APBA2: variants seen among roughly 807,000 people sequenced by gnomAD.
The protein encoded by APBA2 is amyloid-beta A4 precursor protein-binding family A member 2.
APBA2 carries 30 observed loss-of-function variants against 75.0 expected under a neutral mutation model. That is an observed-to-expected ratio of 0.40 (90% CI 0.30 to 0.54). The LOEUF (loss-of-function observed/expected upper bound fraction) is 0.54. APBA2 is among the 20% of genes least tolerant of loss of function. APBA2 has a pLI of 0.49. For synonymous variants in APBA2, 444 were observed against 409.6 expected, an observed-to-expected ratio of 1.08 and a Z score of -1.01; for missense variants, 801 against 1,016.1, an observed-to-expected ratio of 0.79 and a Z score of 2.88.
chr15:28,981,151 A>G (rs889911721), intron 2 of APBA2, among the ~76,000 whole-genome samples: 1 of 152,236 alleles, frequency 6.6e-6, no homozygotes, highest in Admixed American at 6.5e-5. Flanking sequence ...AGCAATTGCA[A>G]CAAAAACAAA....
chr15:28,938,297 A>G (rs1267043370), intron 2 of APBA2, among the ~76,000 whole-genome samples: 1 of 152,238 alleles, frequency 6.6e-6, no homozygotes. Flanking sequence ...CTTGGAAGCC[A>G]CATGAGAAAT....
chr15:28,891,650 CTTG>C (rs1314306368), intron 1 of APBA2, among the ~76,000 whole-genome samples: 1 of 152,224 alleles, frequency 6.6e-6, no homozygotes, highest in Non-Finnish European at 1.5e-5. Context: ...ATTCTTAGCA[CTTG>C]TTGTCCCTAG....
chr15:29,054,315 C>T lies in APBA2; in HGVS notation c.431C>T (p.Ser144Leu), dbSNP rs144066720. 1,340 of 1,613,948 alleles carry T rather than the reference C, an allele frequency of 8.3e-4. 14 individuals are homozygous for T. The African/African-American group carries it at 0.015, about 19-fold the overall frequency. ...CQEAVEEWTDSAGPHPHGHEA... is the reference protein window; with the variant it reads ...CQEAVEEWTDLAGPHPHGHEA... ...GAGGCGGTGGAGGAGTGGACGGACT[C>T]GGCGGGCCCGCACCCCCACGGCCAC... Residue 144 changes from serine (S) to leucine (L), a missense_variant, in exon 4 of 15, where the codon TCG becomes TTG. Physicochemically the swap from Ser to Leu is moderately radical, Grantham distance 145 (BLOSUM62 -2). This residue lies in a region of APBA2 where 434 missense variants were observed against 471.6 expected (regional missense o/e 0.92). Coordinates refer to ENST00000683413, the MANE Select transcript of APBA2 (RefSeq NM_001353788.2). This position sits in a 1 kb window ranked among gnomAD's most constrained non-coding sequence, Gnocchi z 6.1.
At chr15:28,914,244 G>A (rs1342913839) in intron 1 of APBA2, among the ~76,000 whole-genome samples, 3 of 152,208 alleles carry the variant, frequency 2.0e-5, no homozygotes, top group Admixed American at 6.5e-5. Flanking sequence ...CACAGGGGCT[G>A]CTTTGCGGTG....
chr15:29,056,610 C>CTTCCTCCCT (rs376422658), intron 4 of APBA2, among the ~76,000 whole-genome samples: 2 of 45,924 alleles, frequency 4.4e-5, no homozygotes, highest in African/African-American at 9.8e-5. Context: ...CCCTCCCTCC[C>CTTCCTCCCT]TCCTTCTCTC....
chr15:28,997,405 A>T (rs1181842873), intron 3 of APBA2, among the ~76,000 whole-genome samples: 1 of 152,178 alleles, frequency 6.6e-6, no homozygotes, highest in African/African-American at 2.4e-5. Context: ...TTTCTGCTCT[A>T]TTTAACTTTC....
At chr15:29,005,531 G>C (rs1247978903) in intron 3 of APBA2, among the ~76,000 whole-genome samples, 1 of 152,164 alleles carries the variant, frequency 6.6e-6, no homozygotes. Flanking sequence ...GAAAGTGCTG[G>C]GATTACAGGC....
At chr15:28,914,845 G>A (rs1432924174) in intron 1 of APBA2, among the ~76,000 whole-genome samples, 18 of 152,020 alleles carry the variant, frequency 1.2e-4, no homozygotes, top group African/African-American at 4.3e-4. Context: ...CCTGGCCTTG[G>A]CTGAGGTCGT....
At chr15:29,076,145 T>C in intron 6 of APBA2, 54 bp downstream of exon 6, 1 of 1,576,444 alleles carries the variant, frequency 6.3e-7, no homozygotes, top group East Asian at 2.2e-5. Flanking sequence ...TACATCAAAA[T>C]AAATGGTGCT....
chr15:28,948,066 C>T (rs2035643364), intron 2 of APBA2, among the ~76,000 whole-genome samples: 1 of 152,152 alleles, frequency 6.6e-6, no homozygotes, highest in Non-Finnish European at 1.5e-5. Context: ...CTTGCACCAT[C>T]CAGAGAGGTG....
chr15:29,097,067 C>T (rs1330798009), intron 8 of APBA2, among the ~76,000 whole-genome samples: 3 of 152,268 alleles, frequency 2.0e-5, no homozygotes, highest in Non-Finnish European at 4.4e-5. Context: ...CTTGGCTTCT[C>T]TCTGTCGCTG....
At chr15:29,015,565 G>A (rs892759994) in intron 3 of APBA2, among the ~76,000 whole-genome samples, 4 of 152,340 alleles carry the variant, frequency 2.6e-5, no homozygotes, top group Admixed American at 6.5e-5. Flanking sequence ...ATCATTGTTA[G>A]TGGAGAACTT....
chr15:29,078,761 G>A (rs2042963363), intron 6 of APBA2, among the ~76,000 whole-genome samples: 3 of 152,170 alleles, frequency 2.0e-5, no homozygotes, highest in African/African-American at 7.2e-5. Context: ...CAGTGTGTGG[G>A]CAGCCCCAGC....
At chr15:28,945,672 C>G (rs1223110565) in intron 2 of APBA2, among the ~76,000 whole-genome samples, 1 of 152,012 alleles carries the variant, frequency 6.6e-6, no homozygotes, top group Non-Finnish European at 1.5e-5. Flanking sequence ...GCGCCTGCCC[C>G]CCGCCTGGCT....
intron 8 of APBA2, among the ~76,000 whole-genome samples, chr15:29,097,154 A>C (rs2043888185): frequency 6.6e-6 from 1 of 152,258 alleles, no homozygotes; most frequent in South Asian, 2.1e-4. Flanking sequence ...GTGACTGATT[A>C]AATCAGAAGG....
intron 2 of APBA2, among the ~76,000 whole-genome samples, chr15:28,969,010 C>T (rs2036888907): frequency 6.6e-6 from 1 of 152,028 alleles, no homozygotes; most frequent in South Asian, 2.1e-4. Context: ...GTGGCTCACC[C>T]CTGTAATGCC....
chr15:28,921,520 C>G (rs1488484188), intron 1 of APBA2, 120 bp from the exon 2 acceptor site: 1 of 152,210 alleles, frequency 6.6e-6, no homozygotes, highest in Non-Finnish European at 1.5e-5. Flanking sequence ...GAGCTGTTAG[C>G]CTCCCATATG....
At chr15:28,889,819 A>G (rs1308945751) in intron 1 of APBA2, among the ~76,000 whole-genome samples, 3 of 152,166 alleles carry the variant, frequency 2.0e-5, no homozygotes, top group Non-Finnish European at 4.4e-5. Flanking sequence ...AGCCCTACAT[A>G]AATTGGCTTT....
At chr15:29,007,847 C>T (rs912990837) in intron 3 of APBA2, among the ~76,000 whole-genome samples, 11 of 152,192 alleles carry the variant, frequency 7.2e-5, no homozygotes, top group Non-Finnish European at 1.2e-4. Flanking sequence ...ATAGAATTGC[C>T]GTGGAATCTA....
Sources: allele counts gnomAD v4.1 joint callset (sites outside exome capture counted in the v4.1 genomes callset), GRCh38; gene constraint gnomAD v4.1.1; regional missense constraint gnomAD v4.1.1; non-coding constraint Gnocchi (gnomAD v3.1); transcripts MANE v1.5; gene names NCBI Gene and HGNC (gene_info 2026-07-23, HGNC 2026-07-21).